Variants in SPINK4 observed in about 807,000 individuals in gnomAD.
The protein encoded by SPINK4 is serine peptidase inhibitor Kazal type 4.
Under a neutral mutation model 12.3 loss-of-function variants are expected in SPINK4, and 10 were observed. That is an observed-to-expected ratio of 0.81 (90% CI 0.50 to 1.37). SPINK4 has a LOEUF of 1.37. Among genes scored for constraint, SPINK4 ranks in the 40% most tolerant of loss-of-function variants. The pLI, the probability that SPINK4 is intolerant of heterozygous loss-of-function variation, is 0.00. For missense variants in SPINK4, 91 were observed against 109.0 expected (o/e 0.84, Z 0.73); for synonymous variants, 37 against 40.2 (o/e 0.92, Z 0.30).
At chr9:33,246,759 G>A in intron 3 of SPINK4, 31 bp downstream of exon 3, 3 of 1,600,374 alleles carry the variant, frequency 1.9e-6, no homozygotes, top group Non-Finnish European at 2.6e-6. Context: ...CTGCTTGCTT[G>A]GGTGGGCCCC....
intron 1 of SPINK4, among the ~76,000 whole-genome samples, chr9:33,242,372 G>A (rs1041210991): frequency 1.3e-5 from 2 of 152,172 alleles, no homozygotes; most frequent in Non-Finnish European, 2.9e-5. Flanking sequence ...TCACTGGGGG[G>A]CAGCATCAAG....
At chr9:33,242,292 T>C (rs1253515940) in intron 1 of SPINK4, among the ~76,000 whole-genome samples, 9 of 151,856 alleles carry the variant, frequency 5.9e-5, no homozygotes, top group African/African-American at 2.2e-4. Flanking sequence ...AGTGGGACAG[T>C]ACATGGTGGT....
At chr9:33,247,160 ATT>A (rs34574251) in intron 3 of SPINK4, among the ~76,000 whole-genome samples, 4 of 135,988 alleles carry the variant, frequency 2.9e-5, no homozygotes, top group Non-Finnish European at 3.1e-5. Context: ...GCAGCACAGA[ATT>A]TTTTTTTTTT....
chr9:33,240,481 G>T (rs761576994), intron 1 of SPINK4, among the ~76,000 whole-genome samples: 4 of 152,342 alleles, frequency 2.6e-5, no homozygotes, highest in South Asian at 4.1e-4. Context: ...AATTACCAAA[G>T]TCCCCTACCC....
In SPINK4 at chr9:33,246,639, G is replaced by A; in HGVS notation, c.126G>A (p.Glu42=). 6.2e-7 allele frequency: 1 copy of A among 1,613,958 alleles called. No homozygotes were observed. Among genetic ancestry groups the A allele is most frequent in the South Asian group, 1.1e-5 (1 of 91,074 alleles). The change falls in exon 3 of 4, where the codon GAG becomes GAA. Residue 42 remains glutamate, a synonymous_variant. Coordinates refer to ENST00000379721, the MANE Select transcript of SPINK4 (RefSeq NM_014471.3). Reference sequence around the variant, plus strand: ...AGCCCATCTGTGAACACATGGTAGAGTCTCCAACCTGTTCCCAGATGTCCA... The same window carrying A: ...AGCCCATCTGTGAACACATGGTAGAATCTCCAACCTGTTCCCAGATGTCCA... ...SRMPICEHMV[E]SPTCSQMSNL... is the part of the protein sequence containing the mutation.
chr9:33,247,304 C>A (rs1402682032), intron 3 of SPINK4, among the ~76,000 whole-genome samples: 3 of 151,534 alleles, frequency 2.0e-5, no homozygotes, highest in African/African-American at 7.3e-5. Flanking sequence ...ATTACAGGCG[C>A]CCACCACCAC....
chr9:33,246,802 TTGACC>T, intron 3 of SPINK4, 74 bp downstream of exon 3: 2 of 1,307,488 alleles, frequency 1.5e-6, no homozygotes, highest in Non-Finnish European at 2.2e-6. Flanking sequence ...GGAGCAAGAC[TTGACC>T]TGCTTCTTCC....
In SPINK4 at chr9:33,246,746, C is replaced by A; in HGVS notation, c.215+18C>A. ...GCCCGGATGTAAGTCTGCCCCACAACCCCTGCTTGCTTGGGTGGGCCCCAT... is the reference window on the plus strand; with the variant it reads ...GCCCGGATGTAAGTCTGCCCCACAAACCCTGCTTGCTTGGGTGGGCCCCAT... On this transcript the variant is annotated intron_variant, in intron 3 of 3. Coordinates refer to ENST00000379721, the MANE Select transcript of SPINK4 (RefSeq NM_014471.3). 1 of 1,610,426 alleles carries A rather than the reference C, an allele frequency of 6.2e-7. No individual in the cohort carries two copies. The highest frequency in any genetic ancestry group is 8.5e-7 in the Non-Finnish European group (1 of 1,176,956).
chr9:33,245,696 T>C (rs1820278405), intron 2 of SPINK4, among the ~76,000 whole-genome samples: 1 of 152,188 alleles, frequency 6.6e-6, no homozygotes, highest in African/African-American at 2.4e-5. Context: ...CTTCATGTAG[T>C]GGAATGAGGA....
In SPINK4 at chr9:33,245,161, G is replaced by A. The variant is rs753732426; in HGVS notation, c.102+9G>A. 6.2e-7 allele frequency: 1 copy of A among 1,613,132 alleles called. No homozygotes were observed. Among genetic ancestry groups the A allele is most frequent in the South Asian group, 1.1e-5 (1 of 90,960 alleles). ...TCCCTTTCTCAAGAATGGTAAGGCA[G>A]CTGCGTGTTGTTCTCACCTTCTCTC... On this transcript the variant is annotated intron_variant, in intron 2 of 3. Coordinates refer to ENST00000379721, the MANE Select transcript of SPINK4 (RefSeq NM_014471.3).
intron 1 of SPINK4, among the ~76,000 whole-genome samples, chr9:33,242,832 C>T (rs1016774299): frequency 6.6e-6 from 1 of 151,442 alleles, no homozygotes; most frequent in African/African-American, 2.4e-5. Context: ...CCCAGAAATT[C>T]CCCTATGTCA....
intron 3 of SPINK4, chr9:33,248,148 G>T (rs1030824325): frequency 8.5e-6 from 4 of 472,798 alleles, no homozygotes; most frequent in Non-Finnish European, 1.5e-5. Context: ...TGCATGAACA[G>T]GTAGGACATA....
At chr9:33,241,912 C>T (rs943844908) in intron 1 of SPINK4, among the ~76,000 whole-genome samples, 3 of 151,434 alleles carry the variant, frequency 2.0e-5, no homozygotes, top group Non-Finnish European at 4.4e-5. Flanking sequence ...CAGAGTCTTG[C>T]TTTGTTGCCC....
intron 2 of SPINK4, 56 bp downstream of exon 2, chr9:33,245,208 C>T (rs1564073899): frequency 1.3e-6 from 2 of 1,560,928 alleles, no homozygotes; most frequent in Non-Finnish European, 1.7e-6. Context: ...GTCCTCTCGT[C>T]CATGCTGAGA....
intron 3 of SPINK4, chr9:33,247,746 A>C (rs1820301043): frequency 6.6e-6 from 1 of 152,534 alleles, no homozygotes; most frequent in Non-Finnish European, 1.5e-5. Flanking sequence ...CTTCATCAAT[A>C]AAACCCATCT....
intron 1 of SPINK4, among the ~76,000 whole-genome samples, chr9:33,242,733 A>G (rs1357747623): frequency 6.6e-6 from 1 of 152,132 alleles, no homozygotes; most frequent in Non-Finnish European, 1.5e-5. Flanking sequence ...CAATGTATAC[A>G]CTCGTGTAAC....
intron 1 of SPINK4, 139 bp from the exon 2 acceptor site, chr9:33,244,973 G>A: frequency 1.4e-6 from 1 of 724,478 alleles, no homozygotes; most frequent in South Asian, 2.0e-5. Context: ...CCATTGTCTG[G>A]TGGCTCATCA....
intron 2 of SPINK4, among the ~76,000 whole-genome samples, chr9:33,245,765 T>C (rs34635786): frequency 2.6e-5 from 4 of 152,164 alleles, no homozygotes; most frequent in Non-Finnish European, 4.4e-5. Context: ...TCCATCAGAA[T>C]CCAGCCCCGC....
At chr9:33,241,724 C>T (rs991931217) in intron 1 of SPINK4, among the ~76,000 whole-genome samples, 1 of 152,114 alleles carries the variant, frequency 6.6e-6, no homozygotes, top group East Asian at 1.9e-4. Flanking sequence ...CAGACTACTG[C>T]CTGGGCTGAG....
Sources: gnomAD v4.1 joint callset for allele counts (sites outside exome capture counted in the v4.1 genomes callset) on GRCh38, gnomAD v4.1.1 for gene constraint, MANE v1.5 for transcripts, NCBI Gene and HGNC (gene_info 2026-07-23, HGNC 2026-07-21) for gene names.